The following LATS2 variants were observed in gnomAD, a reference collection of about 807,000 sequenced individuals.
LATS2 encodes serine/threonine-protein kinase LATS2.
A neutral mutation model predicts 76.0 loss-of-function variants in LATS2; 24 were observed. The observed-to-expected ratio is 0.32, with a 90% CI of 0.23 to 0.44. The LOEUF (loss-of-function observed/expected upper bound fraction) is 0.44. Ranked by LOEUF, LATS2 falls within the 20% of genes least tolerant of loss-of-function variation. The probability of loss-of-function intolerance (pLI) is 1.00; values close to 1 mark genes in which losing one functional copy is unlikely to be tolerated. For missense variants in LATS2, 1,286 were observed against 1,481.2 expected (o/e 0.87, Z 2.16); for synonymous variants, 692 against 635.4 (o/e 1.09, Z -1.34).
intron 2 of LATS2, among the ~76,000 whole-genome samples, chr13:21,027,488 T>C (rs1409359124): frequency 6.6e-6 from 1 of 152,226 alleles, no homozygotes; most frequent in Non-Finnish European, 1.5e-5. Flanking sequence ...CTCCGCCCTT[T>C]TCCTCATTGA....
At chr13:21,050,255 T>C (rs138263367) in intron 1 of LATS2, among the ~76,000 whole-genome samples, 376 of 152,100 alleles carry the variant, frequency 2.5e-3, no homozygotes, top group African/African-American at 8.8e-3. Flanking sequence ...TTATTTAACA[T>C]ATATTTTTTA....
intron 2 of LATS2, among the ~76,000 whole-genome samples, chr13:21,044,689 G>GGTGTGTGTGTGTGTGTGTGTGT (rs71090554): frequency 1.5e-5 from 2 of 137,684 alleles, no homozygotes; most frequent in African/African-American, 5.6e-5. Context: ...GAGGTGTAGG[G>GGTGTGTGTGTGTGTGTGTGTGT]GTGTGTGTGT....
chr13:20,988,869 A>G lies in LATS2; in HGVS notation c.911T>C (p.Phe304Ser), dbSNP rs1027168412. 4 of 1,576,332 alleles carry G rather than the reference A, an allele frequency of 2.5e-6. No homozygotes were observed. Among genetic ancestry groups the G allele is most frequent in the African/African-American group, 1.3e-5 (1 of 74,234 alleles). The change falls in exon 4 of 8, where the codon TTC becomes TCC. Residue 304 changes from phenylalanine to serine, a missense_variant. Physicochemically the swap from Phe to Ser is radical, Grantham distance 155. Coordinates refer to ENST00000382592, the MANE Select transcript of LATS2 (RefSeq NM_014572.3). Reference sequence around the variant, plus strand: ...GTAGAGCCCGGCGGCAGGGGGTGGGAAAGCGAGGCCGGCGCCTGGCGGTCC... The same window carrying G: ...GTAGAGCCCGGCGGCAGGGGGTGGGGAAGCGAGGCCGGCGCCTGGCGGTCC... ...QGGPPGAGLA[F>S]PPPAAGLYVP... is the part of the protein sequence containing the mutation.
At chr13:21,027,917 TATTA>T (rs1264914156) in intron 2 of LATS2, among the ~76,000 whole-genome samples, 7 of 152,122 alleles carry the variant, frequency 4.6e-5, no homozygotes, top group Admixed American at 6.5e-5. Context: ...TTTATTTATT[TATTA>T]ATTTTTTATT....
In LATS2 at chr13:20,973,876, C is replaced by A; in HGVS notation, c.*994G>T. 4.4e-6 allele frequency: 1 copy of A among 228,836 alleles called. No homozygotes were observed. The allele number at this position is 228,836 out of a possible 1,614,324, so 14.2% of individuals were successfully genotyped here. ...CAAGAATGAAAGAGCATACGGACTA[C>A]AGAAACGGACATGTGTCCGTGATTA... On this transcript the variant is annotated 3_prime_UTR_variant, in exon 8 of 8. Transcript: ENST00000382592.
At chr13:21,039,186 G>A (rs1331408735) in intron 2 of LATS2, among the ~76,000 whole-genome samples, 1 of 152,130 alleles carries the variant, frequency 6.6e-6, no homozygotes, top group Non-Finnish European at 1.5e-5. Context: ...ACACCCAAAA[G>A]CCATTGTAAT....
chr13:21,040,472 A>AAG (rs1381807734), intron 2 of LATS2, among the ~76,000 whole-genome samples: 1 of 152,230 alleles, frequency 6.6e-6, no homozygotes, highest in Non-Finnish European at 1.5e-5. Context: ...AAGAACCAGG[A>AAG]AGAGCCTGTG....
In LATS2 at chr13:20,988,454, G is replaced by A; in HGVS notation, c.1326C>T (p.His442=). 6.5e-7 allele frequency: 1 copy of A among 1,527,208 alleles called. No homozygotes were observed. Among genetic ancestry groups the A allele is most frequent in the Non-Finnish European group, 8.7e-7 (1 of 1,143,850 alleles). 94.6% of individuals were successfully genotyped at this position (1,527,208 alleles called of 1,614,324 possible). Reference sequence around the variant, plus strand: ...TCAGCACACGCACGCTCTTCACCGGGTGCAAGATGTGCGCGGCCGTGACAG... The same window carrying A: ...TCAGCACACGCACGCTCTTCACCGGATGCAAGATGTGCGCGGCCGTGACAG... ...VTAVTAAHIL[H]PVKSVRVLRP... Residue 442 remains histidine (H), a synonymous_variant, in exon 4 of 8, where the codon CAC becomes CAT. Coordinates refer to ENST00000382592, the MANE Select transcript of LATS2 (RefSeq NM_014572.3).
chr13:21,060,656 G>A (rs1368011263), intron 1 of LATS2, among the ~76,000 whole-genome samples: 1 of 151,558 alleles, frequency 6.6e-6, no homozygotes. Context: ...GCGCGGCAGT[G>A]GGTGAGGCGG....
chr13:21,034,793 G>A (rs534455060), intron 2 of LATS2, among the ~76,000 whole-genome samples: 3 of 152,018 alleles, frequency 2.0e-5, no homozygotes, highest in Non-Finnish European at 2.9e-5. Context: ...ATTTCCTGCC[G>A]TTTCCCACAG....
chr13:21,019,002 C>T (rs1316622703), intron 2 of LATS2, among the ~76,000 whole-genome samples: 2 of 152,102 alleles, frequency 1.3e-5, no homozygotes, highest in Non-Finnish European at 1.5e-5. Context: ...CACTCTCTCA[C>T]GCCCCTGTCC....
chr13:20,979,104 G>A (rs948222716), intron 7 of LATS2, among the ~76,000 whole-genome samples: 1 of 152,178 alleles, frequency 6.6e-6, no homozygotes, highest in African/African-American at 2.4e-5. Context: ...ATGAGCCACT[G>A]CGCCTGGCCA....
chr13:21,004,806 C>A (rs1168650557), intron 2 of LATS2, among the ~76,000 whole-genome samples: 1 of 152,204 alleles, frequency 6.6e-6, no homozygotes, highest in Non-Finnish European at 1.5e-5. Flanking sequence ...AAAACCTACA[C>A]CAACCAAGAC....
chr13:20,983,813 A>G lies in LATS2; in HGVS notation c.1900-7T>C, dbSNP rs760309651. Reference sequence around the variant, plus strand: ...CAGCTTCACAGAGTCCAGCCTGTGTAGAAGGAAAAGGAAGGAGGAAGAATC... The same window carrying G: ...CAGCTTCACAGAGTCCAGCCTGTGTGGAAGGAAAAGGAAGGAGGAAGAATC... On this transcript the variant is annotated splice_polypyrimidine_tract_variant and splice_region_variant and intron_variant, in intron 4 of 7. Coordinates refer to ENST00000382592, the MANE Select transcript of LATS2 (RefSeq NM_014572.3). The G allele has an allele frequency of 6.3e-7, 1 of 1,599,912 alleles. No homozygotes were observed. Among genetic ancestry groups the G allele is most frequent in the South Asian group, 1.1e-5 (1 of 90,388 alleles).
At chr13:21,033,189 G>C (rs1872589698) in intron 2 of LATS2, among the ~76,000 whole-genome samples, 1 of 152,016 alleles carries the variant, frequency 6.6e-6, no homozygotes, top group African/African-American at 2.4e-5. Context: ...GTGGAGCCTA[G>C]AGCCAAAGAC....
At chr13:20,997,064 G>C (rs1484335028) in intron 2 of LATS2, among the ~76,000 whole-genome samples, 2 of 152,124 alleles carry the variant, frequency 1.3e-5, no homozygotes, top group South Asian at 2.1e-4. Context: ...CAGATAGAAG[G>C]AATTCTTCCC....
chr13:21,034,120 C>G (rs75604941), intron 2 of LATS2, among the ~76,000 whole-genome samples: 2 of 152,286 alleles, frequency 1.3e-5, no homozygotes, highest in Non-Finnish European at 2.9e-5. Context: ...CCTCTGCATA[C>G]CAACCACGGG....
intron 2 of LATS2, 139 bp downstream of exon 2, chr13:21,045,546 G>C: frequency 1.6e-6 from 1 of 621,096 alleles, no homozygotes; most frequent in Non-Finnish European, 2.8e-6. Context: ...GTGTTAAAAG[G>C]GCCTTGGGTT....
intron 3 of LATS2, among the ~76,000 whole-genome samples, chr13:20,989,984 CTTTCA>C (rs1258851810): frequency 6.6e-6 from 1 of 152,226 alleles, no homozygotes; most frequent in Non-Finnish European, 1.5e-5. Flanking sequence ...ACAAAGGTTC[CTTTCA>C]TTTCTTCAGG....
Sources: gnomAD v4.1 joint callset for allele counts (sites outside exome capture counted in the v4.1 genomes callset) on GRCh38, gnomAD v4.1.1 for gene constraint, MANE v1.5 for transcripts, NCBI Gene and HGNC (gene_info 2026-07-23, HGNC 2026-07-21) for gene names.